SERPINB13: variants seen among roughly 807,000 people sequenced by gnomAD.
SERPINB13 encodes serpin family B member 13.
In SERPINB13, 26 loss-of-function variants were observed where a neutral mutation model predicts 31.2. That is an observed-to-expected ratio of 0.83 (90% confidence interval 0.61 to 1.15). SERPINB13 has a LOEUF of 1.15. Among genes scored for constraint, SERPINB13 ranks in the 50% most tolerant of loss-of-function variants. The pLI is 0.00. For missense variants in SERPINB13, 510 were observed against 469.4 expected (o/e 1.09, Z -0.80); for synonymous variants, 191 against 172.4 (o/e 1.11, Z -0.85).
Position 63,592,916 on chromosome 18 carries a change from T to C in SERPINB13, c.417T>C (p.Asn139=), listed in dbSNP as rs139349443. 3 of 1,613,584 alleles carry C rather than the reference T, an allele frequency of 1.9e-6. No individual in the cohort carries two copies. The highest frequency in any genetic ancestry group is 2.5e-6 in the Non-Finnish European group (3 of 1,179,784). ...CTCTGGAACCTGTTGATTTTGTAAA[T>C]GCAGCCGATGAAAGTCGAAAGAAGA... The part of the protein sequence containing the change: ...HASLEPVDFV[N]AADESRKKIN... The change falls in exon 5 of 8, where the codon AAT becomes AAC. Residue 139 remains asparagine (N), a synonymous_variant. Transcript: ENST00000344731.
In SERPINB13 at chr18:63,597,131, A is replaced by G; in HGVS notation, c.944A>G (p.Asp315Gly). The G allele has an allele frequency of 6.2e-7, 1 of 1,614,208 alleles. No individual in the cohort carries two copies. The highest frequency in any genetic ancestry group is 8.5e-7 in the Non-Finnish European group (1 of 1,180,036). ...MGDAFSEHKA[D>G]YSGMSSGSGL... ...GATGCCTTCAGTGAGCACAAAGCCGACTACTCGGGAATGTCGTCAGGCTCC... is the reference window on the plus strand; with the variant it reads ...GATGCCTTCAGTGAGCACAAAGCCGGCTACTCGGGAATGTCGTCAGGCTCC... The change falls in exon 8 of 8, where the codon GAC becomes GGC. Residue 315 changes from aspartate (D) to glycine (G), a missense_variant. By Grantham distance (94) the Asp-to-Gly change is moderately conservative (BLOSUM62 -1). Transcript: ENST00000344731.
intron 2 of SERPINB13, 49 bp downstream of exon 2, chr18:63,588,881 TGGC>T: frequency 6.6e-7 from 1 of 1,506,034 alleles, no homozygotes; most frequent in Non-Finnish European, 8.9e-7. Context: ...CAAATTCATT[TGGC>T]GGGGGGGTTG....
chr18:63,588,050 C>T (rs769244360), intron 1 of SERPINB13, among the ~76,000 whole-genome samples: 12 of 152,136 alleles, frequency 7.9e-5, no homozygotes, highest in Admixed American at 1.3e-4. Flanking sequence ...AAAATTCAGC[C>T]CAGAGTCAAG....
chr18:63,588,502 T>G (rs1489748671), intron 1 of SERPINB13, 149 bp from the exon 2 acceptor site: 7 of 708,796 alleles, frequency 9.9e-6, no homozygotes, highest in Non-Finnish European at 1.6e-5. Flanking sequence ...AGAGAGGACG[T>G]GAGAAGCAGG....
intron 2 of SERPINB13, 85 bp from the exon 3 acceptor site, chr18:63,589,571 C>T: frequency 6.6e-7 from 1 of 1,521,776 alleles, no homozygotes; most frequent in Non-Finnish European, 8.8e-7. Flanking sequence ...AGGTTTCTTT[C>T]AGAAGCGTCC....
chr18:63,593,885 G>A, intron 5 of SERPINB13: 1 of 394,198 alleles, frequency 2.5e-6, no homozygotes. Flanking sequence ...ATCTCAGGTG[G>A]TAACTATATT....
At chr18:63,595,221 C>A in intron 7 of SERPINB13, 37 bp downstream of exon 7, 1 of 1,574,088 alleles carries the variant, frequency 6.4e-7, no homozygotes, top group Non-Finnish European at 8.6e-7. Flanking sequence ...TCTTTCATTT[C>A]CTAAGGCTTT....
intron 3 of SERPINB13, among the ~76,000 whole-genome samples, chr18:63,591,560 T>C (rs1483936306): frequency 2.0e-5 from 3 of 152,252 alleles, no homozygotes; most frequent in African/African-American, 7.2e-5. Flanking sequence ...TCCAGTATAG[T>C]AGCTACTCAA....
At chr18:63,589,937 T>A (rs896757095) in intron 3 of SERPINB13, 5 of 848,072 alleles carry the variant, frequency 5.9e-6, no homozygotes, top group Middle Eastern at 3.7e-4. Flanking sequence ...ACCTTAGGTG[T>A]AATGGACAAT....
rs756796088 is a variant in SERPINB13, at chr18:63,592,348, A to G, written c.226A>G (p.Ile76Val). Residue 76 changes from isoleucine to valine, a missense_variant and splice_region_variant, in exon 4 of 8, where the codon ATT becomes GTT. Coordinates refer to ENST00000344731, the MANE Select transcript of SERPINB13 (RefSeq NM_012397.4). ...TTGAGATTTTGTTTTAATTTTCAAG[A>G]TTGAGAACACAGAAGCAGTACATCA... is the stretch of plus-strand genomic sequence containing the variant. ...SRIKAEEKEV[I>V]ENTEAVHQQF... 2.5e-6 allele frequency: 4 copies of G among 1,605,608 alleles called. No individual in the cohort carries two copies. The Admixed American group carries it at 6.8e-5, about 27-fold the overall frequency.
rs1201562215 is a variant in SERPINB13 at position 63,592,980 on chromosome 18, T to C, written c.472+9T>C. ...TGAAAGCAAAACAAATGGTAGAGTA[T>C]GGGTGGGTCATTCATTGCAAAAAAA... is the stretch of plus-strand genomic sequence containing the variant. On this transcript the variant is annotated intron_variant, in intron 5 of 7. Coordinates refer to ENST00000344731, the MANE Select transcript of SERPINB13 (RefSeq NM_012397.4). 2.6e-6 allele frequency: 4 copies of C among 1,514,820 alleles called. No individual in the cohort carries two copies. Among genetic ancestry groups the C allele is most frequent in the East Asian group, 2.3e-5 (1 of 44,430 alleles). 93.8% of individuals were successfully genotyped at this position (1,514,820 alleles called of 1,614,324 possible).
chr18:63,587,445 C>T lies in SERPINB13; in HGVS notation c.-23C>T, dbSNP rs1160313078. ...CCAGCCACCACCGTCTCTCCAAAAA[C>T]CCGAGGTAAGTTCTTATTTTGGCTC... On this transcript the variant is annotated 5_prime_UTR_variant, in exon 1 of 8. Coordinates refer to ENST00000344731, the MANE Select transcript of SERPINB13 (RefSeq NM_012397.4). 4.2e-6 allele frequency: 2 copies of T among 471,064 alleles called. No individual in the cohort carries two copies. 29.2% of individuals were successfully genotyped at this position (471,064 alleles called of 1,614,324 possible). A position where few individuals can be genotyped will look rare whatever the true frequency, so the allele number is the denominator to read the frequency against.
Position 63,592,981 on chromosome 18 carries a change from G to C in SERPINB13, c.472+10G>C, listed in dbSNP as rs781643016. The stretch of plus-strand genomic sequence containing the variant: ...GAAAGCAAAACAAATGGTAGAGTAT[G>C]GGTGGGTCATTCATTGCAAAAAAAC... On this transcript the variant is annotated intron_variant, in intron 5 of 7. Transcript: ENST00000344731. The C allele has an allele frequency of 1.3e-6, 2 of 1,509,328 alleles. No individual in the cohort carries two copies. The highest frequency in any genetic ancestry group is 4.0e-5 in the Admixed American group (2 of 49,538). 93.5% of individuals were successfully genotyped at this position (1,509,328 alleles called of 1,614,324 possible).
At chr18:63,589,227 G>T (rs1042715410) in intron 2 of SERPINB13, among the ~76,000 whole-genome samples, 4 of 152,112 alleles carry the variant, frequency 2.6e-5, no homozygotes, top group Non-Finnish European at 4.4e-5. Context: ...CACCATGTTG[G>T]CCAGGCTAGT....
intron 3 of SERPINB13, among the ~76,000 whole-genome samples, chr18:63,590,365 T>G (rs1321520370): frequency 2.0e-5 from 3 of 152,154 alleles, no homozygotes; most frequent in Non-Finnish European, 4.4e-5. Flanking sequence ...GTTAGCACTC[T>G]CAGGAAGGGC....
chr18:63,591,474 C>G (rs1293312536), intron 3 of SERPINB13, among the ~76,000 whole-genome samples: 1 of 150,450 alleles, frequency 6.6e-6, no homozygotes, highest in Admixed American at 6.6e-5. Flanking sequence ...CTTCCTTCTA[C>G]AAACAATGCA....
In SERPINB13 at chr18:63,596,997, G is replaced by C; in HGVS notation, c.810G>C (p.Trp270Cys). 5 of 1,613,916 alleles carry C rather than the reference G, an allele frequency of 3.1e-6. No homozygotes were observed. The highest frequency in any genetic ancestry group is 4.2e-6 in the Non-Finnish European group (5 of 1,179,876). The change falls in exon 8 of 8, where the codon TGG (tryptophan) becomes TGC (cysteine). Residue 270 changes from tryptophan to cysteine, a missense_variant. Trp to Cys is a radical substitution (Grantham distance 215). Transcript: ENST00000344731. The stretch of plus-strand genomic sequence containing the variant: ...TAAGTCCTGAGAAATTGGTAGAGTG[G>C]ACTAGTCCAGGGCATATGGAAGAAA... ...DKISPEKLVE[W>C]TSPGHMEERK...
chr18:63,596,015 T>C (rs1599453435), intron 7 of SERPINB13, among the ~76,000 whole-genome samples: 1 of 152,190 alleles, frequency 6.6e-6, no homozygotes, highest in South Asian at 2.1e-4. Context: ...GTTCCTCTAG[T>C]GGCTTTCTGA....
In SERPINB13 at chr18:63,592,924, A is replaced by G; in HGVS notation, c.425A>G (p.Asp142Gly). ...LEPVDFVNAA[D>G]ESRKKINSWV... is the part of the protein sequence containing the mutation. ...CCTGTTGATTTTGTAAATGCAGCCGATGAAAGTCGAAAGAAGATTAATTCC... is the reference window on the plus strand; with the variant it reads ...CCTGTTGATTTTGTAAATGCAGCCGGTGAAAGTCGAAAGAAGATTAATTCC... Residue 142 changes from aspartate to glycine, a missense_variant, in exon 5 of 8, where the codon GAT becomes GGT. Transcript: ENST00000344731. 2 of 1,613,674 alleles carry G rather than the reference A, an allele frequency of 1.2e-6. No homozygotes were observed. The highest frequency in any genetic ancestry group is 1.7e-6 in the Non-Finnish European group (2 of 1,179,740).
Sources: allele counts gnomAD v4.1 joint callset (sites outside exome capture counted in the v4.1 genomes callset), GRCh38; gene constraint gnomAD v4.1.1; transcripts MANE v1.5; gene names NCBI Gene and HGNC (gene_info 2026-07-23, HGNC 2026-07-21).